IKBKB-DT: variants seen among roughly 807,000 people sequenced by gnomAD.
The protein encoded by IKBKB-DT is IKBKB divergent transcript.
At chr8:42,239,268 G>T (rs1370564177) in intron 3 of IKBKB-DT, among the ~76,000 whole-genome samples, 1 of 152,052 alleles carries the variant, frequency 6.6e-6, no homozygotes, top group Non-Finnish European at 1.5e-5. Flanking sequence ...TCTCCTGTGA[G>T]CCTGGGGTGA....
intron 3 of IKBKB-DT, among the ~76,000 whole-genome samples, chr8:42,240,227 T>TTTC (rs889035356): frequency 6.6e-6 from 1 of 151,954 alleles, no homozygotes; most frequent in African/African-American, 2.4e-5. Flanking sequence ...AATGCTGTTT[T>TTTC]TTTTTTTTTT....
chr8:42,241,794 A>C (rs1057216236), intron 3 of IKBKB-DT, among the ~76,000 whole-genome samples: 1 of 152,230 alleles, frequency 6.6e-6, no homozygotes, highest in Admixed American at 6.5e-5. Flanking sequence ...AAGTCATGTT[A>C]ATGCTGGCAG....
chr8:42,244,516 G>C (rs1807039028), intron 3 of IKBKB-DT, among the ~76,000 whole-genome samples: 1 of 152,078 alleles, frequency 6.6e-6, no homozygotes, highest in Non-Finnish European at 1.5e-5. Flanking sequence ...AGGTATTCCT[G>C]TGCTGATTAA....
At chr8:42,258,349 T>C (rs1807235020) in intron 3 of IKBKB-DT, among the ~76,000 whole-genome samples, 1 of 152,212 alleles carries the variant, frequency 6.6e-6, no homozygotes, top group Non-Finnish European at 1.5e-5. Context: ...CTTGCTATGT[T>C]GCCCCAGCTG....
At chr8:42,256,407 C>CAAA (rs111851763) in intron 3 of IKBKB-DT, among the ~76,000 whole-genome samples, 4 of 110,932 alleles carry the variant, frequency 3.6e-5, no homozygotes, top group African/African-American at 9.2e-5. Context: ...ACCAAAAATA[C>CAAA]AAAAAAAAAA....
intron 2 of IKBKB-DT, among the ~76,000 whole-genome samples, chr8:42,264,026 G>T (rs1259471339): frequency 1.3e-5 from 2 of 151,814 alleles, no homozygotes; most frequent in African/African-American, 4.8e-5. Context: ...TGGCCAGGCT[G>T]GTTTCGAACT....
At chr8:42,235,205 C>CTTTTTTTTTTTTTTTTTTTTTTT (rs746414963) in intron 3 of IKBKB-DT, among the ~76,000 whole-genome samples, 11 of 99,408 alleles carry the variant, frequency 1.1e-4, no homozygotes, top group African/African-American at 2.8e-4. Context: ...CTTTTATTTT[C>CTTTTTTTTTTTTTTTTTTTTTTT]TTTTTTTTTT....
chr8:42,237,067 G>T (rs750613920), intron 3 of IKBKB-DT, among the ~76,000 whole-genome samples: 4 of 146,180 alleles, frequency 2.7e-5, no homozygotes, highest in Admixed American at 2.0e-4. Flanking sequence ...TCTCTTTTAC[G>T]AGAGAAGGCT....
intron 3 of IKBKB-DT, among the ~76,000 whole-genome samples, chr8:42,234,401 G>T (rs1309522183): frequency 1.3e-5 from 2 of 152,092 alleles, no homozygotes; most frequent in Non-Finnish European, 2.9e-5. Context: ...CATGATAAAA[G>T]ATTTTATGAG....
intron 3 of IKBKB-DT, chr8:42,249,099 T>C (rs1024586393): frequency 1.3e-5 from 2 of 152,152 alleles, no homozygotes; most frequent in Admixed American, 6.6e-5. Flanking sequence ...CCGGGTGCAG[T>C]AGCTCACACC....
intron 3 of IKBKB-DT, among the ~76,000 whole-genome samples, chr8:42,260,363 C>T (rs1299086648): frequency 6.6e-6 from 1 of 151,998 alleles, no homozygotes; most frequent in African/African-American, 2.4e-5. Flanking sequence ...CATAGAGCTC[C>T]TTTAAAAAAA....
At chr8:42,245,210 G>C (rs1048319337) in intron 3 of IKBKB-DT, among the ~76,000 whole-genome samples, 16 of 152,072 alleles carry the variant, frequency 1.1e-4, no homozygotes, top group Non-Finnish European at 7.4e-5. Flanking sequence ...AGCTGAGATC[G>C]CACCACTGCA....
At chr8:42,256,376 A>G (rs2129923948) in intron 3 of IKBKB-DT, among the ~76,000 whole-genome samples, 1 of 151,640 alleles carries the variant, frequency 6.6e-6, no homozygotes, top group African/African-American at 2.4e-5. Context: ...AGCCTGGCCA[A>G]CATAGTGAAA....
At chr8:42,260,880 C>A (rs1807277755) in intron 3 of IKBKB-DT, among the ~76,000 whole-genome samples, 1 of 152,008 alleles carries the variant, frequency 6.6e-6, no homozygotes, top group South Asian at 2.1e-4. Flanking sequence ...TATGGCTTTG[C>A]CACAGAAATG....
chr8:42,262,709 G>C (rs978887248), intron 3 of IKBKB-DT, among the ~76,000 whole-genome samples: 5 of 152,034 alleles, frequency 3.3e-5, no homozygotes, highest in Non-Finnish European at 4.4e-5. Flanking sequence ...AAAGTGCTGG[G>C]ATTACAGGCA....
At chr8:42,262,041 C>CCAA (rs1432391253) in intron 3 of IKBKB-DT, among the ~76,000 whole-genome samples, 1 of 151,460 alleles carries the variant, frequency 6.6e-6, no homozygotes, top group East Asian at 1.9e-4. Flanking sequence ...GGATCAATAA[C>CCAA]CAATGGTTAC....
chr8:42,250,004 G>T (rs1807111403), intron 3 of IKBKB-DT, among the ~76,000 whole-genome samples: 1 of 152,202 alleles, frequency 6.6e-6, no homozygotes. Context: ...AATTTATCAA[G>T]GCAGGGGAAT....
At chr8:42,253,668 A>G (rs140877879) in intron 3 of IKBKB-DT, among the ~76,000 whole-genome samples, 2,705 of 152,346 alleles carry the variant, frequency 0.018, 48 homozygotes, top group East Asian at 0.026. Flanking sequence ...CTGGTGCTGT[A>G]AAGAAATAGC....
intron 3 of IKBKB-DT, among the ~76,000 whole-genome samples, chr8:42,256,812 A>G (rs1353863989): frequency 1.3e-5 from 2 of 152,108 alleles, no homozygotes; most frequent in Non-Finnish European, 2.9e-5. Context: ...TCCTGGGCCT[A>G]CCAGGAAATG....
Sources: allele counts gnomAD v4.1 joint callset (sites outside exome capture counted in the v4.1 genomes callset), GRCh38; gene constraint gnomAD v4.1.1; transcripts MANE v1.5; gene names NCBI Gene and HGNC (gene_info 2026-07-23, HGNC 2026-07-21).